The following FHIT variants were observed in gnomAD, a reference collection of about 807,000 sequenced individuals.
FHIT encodes fragile histidine triad diadenosine triphosphatase, also known as bis(5'-adenosyl)-triphosphatase.
FHIT carries 19 observed loss-of-function variants against 17.9 expected under a neutral mutation model. The ratio of observed to expected loss-of-function variants is 1.06; its 90% CI spans 0.74 to 1.56. The LOEUF is 1.56. Among genes scored for constraint, FHIT ranks in the 40% most tolerant of loss-of-function variants. The probability of loss-of-function intolerance (pLI) is 0.00; values close to 1 mark genes in which losing one functional copy is unlikely to be tolerated. For missense variants in FHIT, 248 were observed against 189.2 expected, an observed-to-expected ratio of 1.31 and a Z score of -1.82; for synonymous variants, 81 against 69.7, an observed-to-expected ratio of 1.16 and a Z score of -0.81.
At chr3:59,942,352 G>A (rs1402722855) in intron 7 of FHIT, among the ~76,000 whole-genome samples, 3 of 152,064 alleles carry the variant, frequency 2.0e-5, no homozygotes, top group Non-Finnish European at 4.4e-5. Context: ...CCACACTCCT[G>A]TAGTCAGATG....
At chr3:59,988,406 G>A (rs1301724268) in intron 7 of FHIT, among the ~76,000 whole-genome samples, 3 of 152,082 alleles carry the variant, frequency 2.0e-5, no homozygotes, top group Admixed American at 6.6e-5. Flanking sequence ...TAACATGATC[G>A]AATAAAGCAA....
chr3:60,363,815 A>T (rs1297216966), intron 5 of FHIT, among the ~76,000 whole-genome samples: 1 of 152,158 alleles, frequency 6.6e-6, no homozygotes, highest in Non-Finnish European at 1.5e-5. Flanking sequence ...GGAGATGAGA[A>T]GGAGGGAAGA....
chr3:59,917,726 G>A (rs1211411551), intron 8 of FHIT, among the ~76,000 whole-genome samples: 1 of 152,176 alleles, frequency 6.6e-6, no homozygotes, highest in African/African-American at 2.4e-5. Flanking sequence ...AGACAGAAGA[G>A]AGGCTCATAC....
chr3:60,317,629 GTGTGTGTA>G (rs1451393679), intron 5 of FHIT, among the ~76,000 whole-genome samples: 2 of 143,886 alleles, frequency 1.4e-5, no homozygotes, highest in African/African-American at 5.2e-5. Flanking sequence ...GTGTGTGTGT[GTGTGTGTA>G]TATATATATA....
At chr3:60,062,582 C>T (rs1324035099) in intron 5 of FHIT, among the ~76,000 whole-genome samples, 2 of 152,172 alleles carry the variant, frequency 1.3e-5, no homozygotes, top group African/African-American at 4.8e-5. Flanking sequence ...CCAAAGATCA[C>T]GATCTTTCTT....
chr3:60,470,493 T>C (rs1263856249), intron 5 of FHIT, among the ~76,000 whole-genome samples: 3 of 151,730 alleles, frequency 2.0e-5, no homozygotes, highest in Non-Finnish European at 2.9e-5. Flanking sequence ...CCACCACTGC[T>C]CCGGGCACAT....
chr3:59,935,699 A>G (rs979142739), intron 7 of FHIT, among the ~76,000 whole-genome samples: 1 of 150,996 alleles, frequency 6.6e-6, no homozygotes, highest in African/African-American at 2.4e-5. Context: ...GGATGAATAG[A>G]TGGATGAGTG....
intron 4 of FHIT, among the ~76,000 whole-genome samples, chr3:60,756,434 A>C (rs950144214): frequency 6.6e-6 from 1 of 152,206 alleles, no homozygotes; most frequent in African/African-American, 2.4e-5. Context: ...ATGAGTCTGC[A>C]ATTCGTCATG....
chr3:59,960,983 A>C (rs1707648953), intron 7 of FHIT, among the ~76,000 whole-genome samples: 1 of 152,204 alleles, frequency 6.6e-6, no homozygotes, highest in Admixed American at 6.5e-5. Context: ...ACTATCTTTG[A>C]GACTCTAAGA....
chr3:59,799,418 G>A (rs1197625392), intron 8 of FHIT, among the ~76,000 whole-genome samples: 1 of 94,070 alleles, frequency 1.1e-5, no homozygotes, highest in Non-Finnish European at 2.6e-5. Flanking sequence ...CAAGGCCTGT[G>A]ATGGGGAAGG....
At chr3:60,519,226 G>A (rs377617294) in intron 5 of FHIT, among the ~76,000 whole-genome samples, 1 of 152,070 alleles carries the variant, frequency 6.6e-6, no homozygotes, top group Non-Finnish European at 1.5e-5. Context: ...CTTATGATTA[G>A]AAAAAATAAA....
chr3:61,029,964 T>TTTTG (rs895023547), intron 3 of FHIT, among the ~76,000 whole-genome samples: 43 of 152,108 alleles, frequency 2.8e-4, no homozygotes, highest in East Asian at 5.8e-4. Context: ...AAATCTACAT[T>TTTTG]TTTGTTTGTT....
chr3:60,539,643 G>C (rs1186504597), intron 4 of FHIT, among the ~76,000 whole-genome samples: 2 of 152,160 alleles, frequency 1.3e-5, no homozygotes, highest in African/African-American at 4.8e-5. Flanking sequence ...CCTTTGTAGG[G>C]ACATGGATGA....
chr3:60,026,163 T>A (rs1282309581), intron 5 of FHIT, among the ~76,000 whole-genome samples: 2 of 152,202 alleles, frequency 1.3e-5, no homozygotes, highest in Non-Finnish European at 2.9e-5. Context: ...AAAACTCCTG[T>A]CTACTCTTTC....
At chr3:60,060,093 C>T (rs1365021874) in intron 5 of FHIT, among the ~76,000 whole-genome samples, 2 of 151,902 alleles carry the variant, frequency 1.3e-5, no homozygotes, top group African/African-American at 2.4e-5. Context: ...CTCACAGCAA[C>T]AGGAAAGTGA....
chr3:61,092,684 T>C (rs1157576020), intron 2 of FHIT, among the ~76,000 whole-genome samples: 3 of 152,146 alleles, frequency 2.0e-5, no homozygotes, highest in African/African-American at 4.8e-5. Flanking sequence ...AGAAATAGTT[T>C]GTTCTCTTAG....
chr3:60,880,352 C>T (rs564822181), intron 3 of FHIT, among the ~76,000 whole-genome samples: 6 of 152,310 alleles, frequency 3.9e-5, no homozygotes, highest in African/African-American at 1.4e-4. Flanking sequence ...ACCACTAGAA[C>T]AGTTTTACAA....
At chr3:59,902,423 T>C (rs1704371468) in intron 8 of FHIT, among the ~76,000 whole-genome samples, 1 of 151,966 alleles carries the variant, frequency 6.6e-6, no homozygotes, top group Admixed American at 6.5e-5. Context: ...CCATATGATC[T>C]AGTAATCCCA....
chr3:60,411,818 C>A lies in FHIT; in HGVS notation c.103+125042G>T, dbSNP rs888807015. 2.6e-5 allele frequency among the ~76,000 whole-genome samples: 4 copies of A among 152,024 alleles called. 1 individual carries two copies. The South Asian group carries it at 8.3e-4, about 32-fold the overall frequency. On this transcript the variant is annotated intron_variant, in intron 5 of 9. Transcript: ENST00000492590. ...TGCCACAAATATATTGGAGCTGGAT[C>A]CACCTGACAATGCTGAAATATCTAG...
Sources: gnomAD v4.1 joint callset for allele counts (sites outside exome capture counted in the v4.1 genomes callset) on GRCh38, gnomAD v4.1.1 for gene constraint, MANE v1.5 for transcripts, NCBI Gene and HGNC (gene_info 2026-07-23, HGNC 2026-07-21) for gene names.